Variants in CYP3A43 observed in about 807,000 individuals in gnomAD.
CYP3A43 encodes the protein cytochrome P450 family 3 subfamily A member 43, also known as cytochrome P450 3A43.
In CYP3A43, 45 loss-of-function variants were observed where a neutral mutation model predicts 58.0. The observed-to-expected ratio is 0.78, with a 90% CI of 0.61 to 0.99. CYP3A43 has a LOEUF of 0.99. CYP3A43 is among the 50% of genes least tolerant of loss of function. The pLI, the probability that CYP3A43 is intolerant of heterozygous loss-of-function variation, is 0.00. For missense variants in CYP3A43, 593 were observed against 591.9 expected (o/e 1.00, Z -0.02); for synonymous variants, 191 against 201.4 (o/e 0.95, Z 0.44).
At chr7:99,835,615 G>A (rs1331038546) in intron 1 of CYP3A43, among the ~76,000 whole-genome samples, 2 of 152,160 alleles carry the variant, frequency 1.3e-5, no homozygotes, top group African/African-American at 4.8e-5. Context: ...TATTTCCTGG[G>A]TCACAGACTG....
chr7:99,862,252 T>G (rs1166551710), intron 11 of CYP3A43, among the ~76,000 whole-genome samples: 2 of 152,230 alleles, frequency 1.3e-5, no homozygotes, highest in African/African-American at 4.8e-5. Flanking sequence ...ATTTCAGTTT[T>G]TCTTTGCTGT....
At chr7:99,839,493 CAGAT>C in intron 3 of CYP3A43, 1 of 533,112 alleles carries the variant, frequency 1.9e-6, no homozygotes, top group Non-Finnish European at 3.6e-6. Context: ...TTTCCCCAGA[CAGAT>C]AGCTGTAATT....
chr7:99,860,912 C>T (rs764527017), intron 10 of CYP3A43, among the ~76,000 whole-genome samples: 10 of 151,784 alleles, frequency 6.6e-5, no homozygotes, highest in Non-Finnish European at 1.0e-4. Context: ...CTTGCTTCGT[C>T]GCCCAGGCTG....
intron 8 of CYP3A43, among the ~76,000 whole-genome samples, 178 bp downstream of exon 8, chr7:99,855,896 T>G (rs552514383): frequency 8.5e-5 from 13 of 152,322 alleles, no homozygotes; most frequent in Non-Finnish European, 1.5e-4. Flanking sequence ...AGAAAGAGAA[T>G]GAGTGAAACA....
intron 1 of CYP3A43, among the ~76,000 whole-genome samples, chr7:99,834,155 T>C (rs1308458328): frequency 2.0e-5 from 3 of 152,200 alleles, no homozygotes; most frequent in South Asian, 2.1e-4. Flanking sequence ...CATTTCTCAT[T>C]TGTGTTGCTT....
intron 1 of CYP3A43, among the ~76,000 whole-genome samples, chr7:99,830,170 C>T (rs1816786248): frequency 6.6e-6 from 1 of 151,988 alleles, no homozygotes; most frequent in South Asian, 2.1e-4. Flanking sequence ...AAAGGAAGAT[C>T]CTCCTAAAAA....
chr7:99,843,375 C>T (rs979432125), intron 3 of CYP3A43, among the ~76,000 whole-genome samples: 4 of 152,078 alleles, frequency 2.6e-5, no homozygotes, highest in Non-Finnish European at 5.9e-5. Context: ...TTAATCAAGG[C>T]TCCAGTCTCT....
At chr7:99,836,119 T>C (rs558112) in intron 1 of CYP3A43, among the ~76,000 whole-genome samples, 15,087 of 152,168 alleles carry the variant, frequency 0.099, 1,520 homozygotes, top group African/African-American at 0.26. Context: ...TGCCAGTATA[T>C]CTGTCTTTGG....
At chr7:99,858,569 G>A (rs1009925034) in intron 9 of CYP3A43, among the ~76,000 whole-genome samples, 1 of 151,928 alleles carries the variant, frequency 6.6e-6, no homozygotes, top group African/African-American at 2.4e-5. Flanking sequence ...GGGCCAGGAT[G>A]GAATAGGCAC....
At position 99,836,546 on chromosome 7, in the gene CYP3A43, GGTAA is replaced by G; in HGVS notation, c.165+3_165+6del. 1 of 1,578,406 alleles carries G rather than the reference GGTAA, an allele frequency of 6.3e-7. No homozygotes were observed. The highest frequency in any genetic ancestry group is 2.2e-5 in the East Asian group (1 of 44,614). ...TGGGAACTATTTTGTTCTACCTTAG[GGTAA>G]GTGTTATTTGAGCTCCCTCTTTTGC... is the stretch of plus-strand genomic sequence containing the variant. On this transcript the variant is annotated splice_donor_variant and splice_donor_region_variant and intron_variant, in intron 2 of 12. Coordinates refer to ENST00000354829, the MANE Select transcript of CYP3A43 (RefSeq NM_057095.3). LOFTEE classifies it high-confidence loss of function.
chr7:99,855,446 G>A (rs1449133898), intron 7 of CYP3A43, 145 bp from the exon 8 acceptor site: 1 of 1,090,046 alleles, frequency 9.2e-7, no homozygotes, highest in African/African-American at 1.6e-5. Flanking sequence ...AGGTCATACA[G>A]GAAGAGGGGC....
chr7:99,828,260 T>C, intron 1 of CYP3A43, 74 bp downstream of exon 1: 1 of 1,250,766 alleles, frequency 8.0e-7, no homozygotes, highest in Admixed American at 2.2e-5. Context: ...CTTTTTCTTA[T>C]TTGTTTTGAA....
In CYP3A43 at chr7:99,836,507, CCCTCTG is replaced by C; in HGVS notation, c.130_135del (p.Leu44_Pro45del). 6.2e-7 allele frequency: 1 copy of C among 1,604,978 alleles called. No homozygotes were observed. Among genetic ancestry groups the C allele is most frequent in the Non-Finnish European group, 8.5e-7 (1 of 1,177,816 alleles). On this transcript the variant is annotated inframe_deletion, in exon 2 of 13. Transcript: ENST00000354829. ...AGAAGCTGGGAATTCCTGGGCCAAC[CCCTCTG>C]CCTTTTCTGGGAACTATTTTGTTCT...
chr7:99,839,229 C>T, intron 3 of CYP3A43, 57 bp downstream of exon 3: 2 of 1,596,508 alleles, frequency 1.3e-6, no homozygotes, highest in Non-Finnish European at 1.7e-6. Context: ...AGTTATTTTA[C>T]TGCAGAGAGA....
At chr7:99,829,849 T>C (rs1816772704) in intron 1 of CYP3A43, among the ~76,000 whole-genome samples, 1 of 152,186 alleles carries the variant, frequency 6.6e-6, no homozygotes, top group African/African-American at 2.4e-5. Flanking sequence ...GCTAGGAATG[T>C]GAGACTGGTT....
At chr7:99,848,126 C>T (rs568218999) in intron 5 of CYP3A43, 40 bp from the exon 6 acceptor site, 2 of 1,595,634 alleles carry the variant, frequency 1.3e-6, no homozygotes, top group East Asian at 2.2e-5. Flanking sequence ...TTCTGAGACT[C>T]GAGTCTGCGT....
intron 4 of CYP3A43, 61 bp downstream of exon 4, chr7:99,844,303 T>C: frequency 6.6e-7 from 1 of 1,521,294 alleles, no homozygotes; most frequent in Non-Finnish European, 9.0e-7. Flanking sequence ...TATATATTCA[T>C]GGAAACTTGC....
chr7:99,856,642 G>C (rs1459954638), intron 8 of CYP3A43, among the ~76,000 whole-genome samples, 191 bp from the exon 9 acceptor site: 1 of 152,130 alleles, frequency 6.6e-6, no homozygotes, highest in Non-Finnish European at 1.5e-5. Context: ...TTCTCTCAAG[G>C]AAACATCCTG....
intron 1 of CYP3A43, among the ~76,000 whole-genome samples, chr7:99,828,875 C>A (rs1476954017): frequency 6.6e-6 from 1 of 152,158 alleles, no homozygotes; most frequent in African/African-American, 2.4e-5. Context: ...CAAATAATCT[C>A]ATCAATCAGA....
Sources: gnomAD v4.1 joint callset for allele counts (sites outside exome capture counted in the v4.1 genomes callset) on GRCh38, gnomAD v4.1.1 for gene constraint, MANE v1.5 for transcripts, NCBI Gene and HGNC (gene_info 2026-07-23, HGNC 2026-07-21) for gene names.